PLG: variants seen among roughly 807,000 people sequenced by gnomAD.
PLG encodes the protein plasmin.
PLG carries 41 observed loss-of-function variants against 104.4 expected under a neutral mutation model. That is an observed-to-expected ratio of 0.39 (90% CI 0.31 to 0.51). PLG has a LOEUF of 0.51. PLG is among the 20% of genes least tolerant of loss of function. The pLI, the probability that PLG is intolerant of heterozygous loss-of-function variation, is 0.76. For missense variants in PLG, 891 were observed against 1,003.6 expected, an observed-to-expected ratio of 0.89 and a Z score of 1.52; for synonymous variants, 337 against 357.1, an observed-to-expected ratio of 0.94 and a Z score of 0.63.
Position 160,752,802 on chromosome 6 carries a change from A to T in PLG, c.2272-98A>T. 7.2e-6 allele frequency: 10 copies of T among 1,388,100 alleles called. No individual in the cohort carries two copies. In the South Asian group the frequency reaches 1.2e-4, roughly 16 times the overall value. The allele number at this position is 1,388,100 out of a possible 1,614,324, so 86.0% of individuals were successfully genotyped here. A position where few individuals can be genotyped will look rare whatever the true frequency, so the allele number is the denominator to read the frequency against. On this transcript the variant is annotated intron_variant, in intron 18 of 18. Transcript: ENST00000308192. The surrounding 1 kb of genome is among the most constrained non-coding windows in gnomAD (Gnocchi z 4.7). ...CATAAGTTCCTTTCTGATTTCAATT[A>T]CTGGGAAAATGTATATATGGATAGT...
Position 160,739,354 on chromosome 6 carries a change from C to A in PLG, c.2018+146C>A. The A allele has an allele frequency of 1.9e-6, 2 of 1,046,444 alleles. No individual in the cohort carries two copies. The highest frequency in any genetic ancestry group is 2.9e-6 in the Non-Finnish European group (2 of 683,788). 64.8% of individuals were successfully genotyped at this position (1,046,444 alleles called of 1,614,324 possible). A position where few individuals can be genotyped will look rare whatever the true frequency, so the allele number is the denominator to read the frequency against. On this transcript the variant is annotated intron_variant, in intron 16 of 18. Coordinates refer to ENST00000308192, the MANE Select transcript of PLG (RefSeq NM_000301.5). The surrounding 1 kb of genome is among the most constrained non-coding windows in gnomAD (Gnocchi z 4.4). The stretch of plus-strand genomic sequence containing the variant: ...CAAGGGCTTTGGGGACAGCATCAAT[C>A]TTCAACCCTAGCCCTGCCACATGCT...
intron 1 of PLG, among the ~76,000 whole-genome samples, chr6:160,704,012 C>T (rs1430017929): frequency 1.3e-5 from 2 of 152,204 alleles, no homozygotes; most frequent in Admixed American, 1.3e-4. Flanking sequence ...AAGTCTTTTA[C>T]ACATGCAAAT....
In PLG at chr6:160,734,407, TAG is replaced by T. The variant is rs1032330748; in HGVS notation, c.1681+322_1681+323del. Among the ~76,000 whole-genome samples, 2 of 152,166 alleles carry T rather than the reference TAG, an allele frequency of 1.3e-5. No individual in the cohort carries two copies. The highest frequency in any genetic ancestry group is 2.9e-5 in the Non-Finnish European group (2 of 68,024). On this transcript the variant is annotated intron_variant, in intron 13 of 18. Coordinates refer to ENST00000308192, the MANE Select transcript of PLG (RefSeq NM_000301.5). The surrounding 1 kb of genome is among the most constrained non-coding windows in gnomAD (Gnocchi z 4.4). The stretch of plus-strand genomic sequence containing the variant: ...TCTAGCGTGGGATGCATGAAAAATT[TAG>T]AGTCATTCGGATGAAAAACTTTCCC...
In PLG at chr6:160,737,095, G is replaced by A. The variant is rs1479618560; in HGVS notation, c.1802+88G>A. 1 of 1,572,278 alleles carries A rather than the reference G, an allele frequency of 6.4e-7. No individual in the cohort carries two copies. Among genetic ancestry groups the A allele is most frequent in the Non-Finnish European group, 8.7e-7 (1 of 1,151,264 alleles). Reference sequence around the variant, plus strand: ...ACATTTACATAAAATCCACACAGCTGAGGCATCAGCACCTGCCTCTAAGTT... The same window carrying A: ...ACATTTACATAAAATCCACACAGCTAAGGCATCAGCACCTGCCTCTAAGTT... On this transcript the variant is annotated intron_variant, in intron 14 of 18. Transcript: ENST00000308192. The surrounding 1 kb of genome is among the most constrained non-coding windows in gnomAD (Gnocchi z 4.7).
intron 10 of PLG, among the ~76,000 whole-genome samples, chr6:160,728,957 A>C (rs1030477680): frequency 2.0e-5 from 3 of 152,198 alleles, no homozygotes; most frequent in Non-Finnish European, 2.9e-5. Context: ...TTGTTAAGAA[A>C]TCAGTAGGTA....
rs775543829 is a variant in PLG at position 160,736,929 on chromosome 6, A to G, written c.1724A>G (p.Lys575Arg). Residue 575 changes from lysine to arginine, a missense_variant, in exon 14 of 19, where the codon AAG becomes AGG. By Grantham distance (26) the Lys-to-Arg change is conservative (BLOSUM62 2). Coordinates refer to ENST00000308192, the MANE Select transcript of PLG (RefSeq NM_000301.5). This position sits in a 1 kb window ranked among gnomAD's most constrained non-coding sequence, Gnocchi z 5.2. ...FDCGKPQVEPKKCPGRVVGGC... is the reference protein window; with the variant it reads ...FDCGKPQVEPRKCPGRVVGGC... ...TGTGGGAAGCCTCAAGTGGAGCCGA[A>G]GAAATGTCCTGGAAGGGTTGTAGGG... The G allele has an allele frequency of 7.4e-6, 12 of 1,613,982 alleles. No individual in the cohort carries two copies. Among genetic ancestry groups the G allele is most frequent in the African/African-American group, 1.3e-5 (1 of 74,910 alleles).
chr6:160,748,267 T>C (rs952906771), intron 17 of PLG, among the ~76,000 whole-genome samples: 3 of 147,596 alleles, frequency 2.0e-5, no homozygotes, highest in African/African-American at 7.6e-5. Flanking sequence ...ATTGTGCCAC[T>C]GCACTCCAGC....
At position 160,752,180 on chromosome 6, in the gene PLG, C is replaced by T. The variant is rs752373837; in HGVS notation, c.2191C>T (p.Arg731Cys). 1.9e-6 allele frequency: 3 copies of T among 1,612,618 alleles called. No homozygotes were observed. Among genetic ancestry groups the T allele is most frequent in the Non-Finnish European group, 2.5e-6 (3 of 1,178,588 alleles). The change falls in exon 18 of 19, where the codon CGC (arginine) becomes TGC (cysteine). Residue 731 changes from arginine (R) to cysteine (C), a missense_variant. Physicochemically the swap from Arg to Cys is radical, Grantham distance 180 (BLOSUM62 -3). Coordinates refer to ENST00000308192, the MANE Select transcript of PLG (RefSeq NM_000301.5). The surrounding 1 kb of genome is among the most constrained non-coding windows in gnomAD (Gnocchi z 4.7). ...TGTGATTGAGAATAAAGTGTGCAAT[C>T]GCTATGAGTTTCTGAATGGAAGAGT... The part of the protein sequence containing the change: ...LPVIENKVCN[R>C]YEFLNGRVQS...
chr6:160,713,070 C>A lies in PLG; in HGVS notation c.492C>A (p.Cys164Ter). The change falls in exon 5 of 19, where the codon TGC becomes TGA. Residue 164 changes from cysteine (C) to a stop codon, truncating the protein, a stop_gained. Transcript: ENST00000308192. LOFTEE classifies it high-confidence loss of function. ...NPDNDPQGPW[C>*]YTTDPEKRYD... ...ACAACGATCCGCAGGGGCCCTGGTG[C>A]TATACTACTGATCCAGAAAAGAGAT... 6.2e-7 allele frequency: 1 copy of A among 1,608,504 alleles called. No individual in the cohort carries two copies. The highest frequency in any genetic ancestry group is 8.5e-7 in the Non-Finnish European group (1 of 1,176,700).
chr6:160,715,228 A>G (rs1198356644), intron 6 of PLG, among the ~76,000 whole-genome samples: 1 of 152,338 alleles, frequency 6.6e-6, no homozygotes, highest in East Asian at 1.9e-4. Context: ...CACTAATGTC[A>G]GTAATGAATA....
chr6:160,729,984 G>C (rs1261858689), intron 10 of PLG, among the ~76,000 whole-genome samples: 1 of 152,184 alleles, frequency 6.6e-6, no homozygotes, highest in Non-Finnish European at 1.5e-5. Context: ...GGGGTGTCTG[G>C]GCTTGAGATT....
chr6:160,753,053 A>G lies in PLG; in HGVS notation c.2425A>G (p.Asn809Asp), dbSNP rs1255238080. ...FVTWIEGVMR[N>D]N ...TACTTGGATTGAGGGAGTGATGAGAAATAATTAATTGGACGGGAGACAGAG... is the reference window on the plus strand; with the variant it reads ...TACTTGGATTGAGGGAGTGATGAGAGATAATTAATTGGACGGGAGACAGAG... The change falls in exon 19 of 19, where the codon AAT (asparagine) becomes GAT (aspartate). Residue 809 changes from asparagine (N) to aspartate (D), a missense_variant. Asn to Asp is a conservative substitution (Grantham distance 23). Transcript: ENST00000308192. The surrounding 1 kb of genome is among the most constrained non-coding windows in gnomAD (Gnocchi z 5.4). The G allele has an allele frequency of 1.3e-6, 2 of 1,578,040 alleles. No individual in the cohort carries two copies. The highest frequency in any genetic ancestry group is 2.2e-5 in the East Asian group (1 of 44,516).
At chr6:160,721,593 C>T (rs1777828801) in intron 9 of PLG, among the ~76,000 whole-genome samples, 1 of 152,232 alleles carries the variant, frequency 6.6e-6, no homozygotes, top group African/African-American at 2.4e-5. Flanking sequence ...GCCTGCACTA[C>T]AGAGGAGATA....
chr6:160,752,521 T>C lies in PLG; in HGVS notation c.2271+261T>C, dbSNP rs1778420237. 1.3e-5 allele frequency among the ~76,000 whole-genome samples: 2 copies of C among 152,092 alleles called. No individual in the cohort carries two copies. Among genetic ancestry groups the C allele is most frequent in the Non-Finnish European group, 2.9e-5 (2 of 68,024 alleles). ...CCTCAGGCCACTCACCCTCCTGGGG[T>C]GTGCTGGTGGCCAGGGACTAAAGTG... is the stretch of plus-strand genomic sequence containing the variant. On this transcript the variant is annotated intron_variant, in intron 18 of 18. Transcript: ENST00000308192. The surrounding 1 kb of genome is among the most constrained non-coding windows in gnomAD (Gnocchi z 4.7).
At chr6:160,720,930 G>C (rs1398002362) in intron 9 of PLG, among the ~76,000 whole-genome samples, 1 of 150,952 alleles carries the variant, frequency 6.6e-6, no homozygotes, top group Non-Finnish European at 1.5e-5. Context: ...TCTTTGTGTT[G>C]GTTTGGATAA....
chr6:160,745,253 C>G (rs1280558483), intron 17 of PLG, among the ~76,000 whole-genome samples: 1 of 152,106 alleles, frequency 6.6e-6, no homozygotes, highest in South Asian at 2.1e-4. Context: ...CAGTGGAGTA[C>G]TGAAGTCTCC....
At chr6:160,730,985 G>A in intron 10 of PLG, 66 bp from the exon 11 acceptor site, 8 of 1,481,362 alleles carry the variant, frequency 5.4e-6, no homozygotes, top group Non-Finnish European at 7.5e-6. Flanking sequence ...ACAAAATGTA[G>A]AGGGTGCTGG....
Position 160,754,035 on chromosome 6 carries a change from T to A in PLG, c.*974T>A, listed in dbSNP as rs530245595. Among the ~76,000 whole-genome samples, 1 of 152,352 alleles carries A rather than the reference T, an allele frequency of 6.6e-6. No homozygotes were observed. The highest frequency in any genetic ancestry group is 2.4e-5 in the African/African-American group (1 of 41,578). ...CAAGTGACTGTGAATAAAGGGTGAA[T>A]GTAGTCTCAAATCCTCAAAGAGCTG... On this transcript the variant is annotated 3_prime_UTR_variant, in exon 19 of 19. Coordinates refer to ENST00000308192, the MANE Select transcript of PLG (RefSeq NM_000301.5). This position sits in a 1 kb window ranked among gnomAD's most constrained non-coding sequence, Gnocchi z 4.9.
intron 1 of PLG, chr6:160,706,174 C>G (rs1180317335): frequency 3.5e-6 from 2 of 576,288 alleles, no homozygotes; most frequent in Non-Finnish European, 6.3e-6. Flanking sequence ...TGCTCCCTCT[C>G]TCCCTTCTCT....
Sources: gnomAD v4.1 joint callset for allele counts (sites outside exome capture counted in the v4.1 genomes callset) on GRCh38, gnomAD v4.1.1 for gene constraint, Gnocchi (gnomAD v3.1) non-coding constraint, MANE v1.5 for transcripts, NCBI Gene and HGNC (gene_info 2026-07-23, HGNC 2026-07-21) for gene names.